The following MEGF9 variants were observed in gnomAD, a reference collection of about 807,000 sequenced individuals.
The protein encoded by MEGF9 is multiple epidermal growth factor-like domains protein 9.
MEGF9 carries 6 observed loss-of-function variants against 46.8 expected under a neutral mutation model. The ratio of observed to expected loss-of-function variants is 0.13; its 90% CI spans 0.07 to 0.25. The LOEUF is 0.25. Ranked by LOEUF, MEGF9 falls within the 10% of genes least tolerant of loss-of-function variation. MEGF9 has a pLI of 1.00. For synonymous variants in MEGF9, 302 were observed against 330.7 expected, an observed-to-expected ratio of 0.91 and a Z score of 0.94; for missense variants, 683 against 792.4, an observed-to-expected ratio of 0.86 and a Z score of 1.66.
chr9:120,703,699 G>C (rs2043915174), intron 1 of MEGF9, among the ~76,000 whole-genome samples: 1 of 152,196 alleles, frequency 6.6e-6, no homozygotes, highest in Non-Finnish European at 1.5e-5. Flanking sequence ...TGGGCCAGGT[G>C]CAGTGGCTCA....
At chr9:120,679,169 T>C (rs2043786865) in intron 1 of MEGF9, among the ~76,000 whole-genome samples, 1 of 152,190 alleles carries the variant, frequency 6.6e-6, no homozygotes, top group African/African-American at 2.4e-5. Context: ...TAAAGACACA[T>C]GCACACATTT....
intron 1 of MEGF9, among the ~76,000 whole-genome samples, chr9:120,699,320 C>A (rs1053013625): frequency 6.6e-6 from 1 of 151,978 alleles, no homozygotes; most frequent in African/African-American, 2.4e-5. Flanking sequence ...AAATATTAAA[C>A]TCAATCAGTG....
intron 2 of MEGF9, among the ~76,000 whole-genome samples, chr9:120,638,839 T>TG (rs2043590137): frequency 6.6e-6 from 1 of 152,160 alleles, no homozygotes; most frequent in South Asian, 2.1e-4. Context: ...TTTTTAGAGA[T>TG]GGGGTCTCAC....
intron 5 of MEGF9, among the ~76,000 whole-genome samples, chr9:120,607,110 CAA>C (rs1163933151): frequency 6.6e-6 from 1 of 152,134 alleles, no homozygotes; most frequent in Non-Finnish European, 1.5e-5. Context: ...TTAAGAATAT[CAA>C]AGAGTGGTTT....
intron 2 of MEGF9, among the ~76,000 whole-genome samples, chr9:120,639,304 T>C (rs1396501922): frequency 6.6e-6 from 1 of 151,156 alleles, no homozygotes; most frequent in African/African-American, 2.4e-5. Flanking sequence ...AGGTCAGGAG[T>C]TTGAGACTAG....
intron 5 of MEGF9, 110 bp downstream of exon 5, chr9:120,607,631 A>T: frequency 8.5e-7 from 1 of 1,181,800 alleles, no homozygotes; most frequent in Non-Finnish European, 1.2e-6. Flanking sequence ...TATCTATCAA[A>T]ATCTATTTCC....
intron 2 of MEGF9, among the ~76,000 whole-genome samples, chr9:120,650,137 C>T (rs139432643): frequency 0.024 from 3,611 of 152,116 alleles, 151 homozygotes; most frequent in African/African-American, 0.083. Flanking sequence ...GGCGTGGTGG[C>T]GGGTGCCCGT....
In MEGF9 at chr9:120,638,412, TCC is replaced by T. The variant is rs745903007; in HGVS notation, c.804-15659_804-15658del. Reference sequence around the variant, plus strand: ...CGATTGCATAAATGGTGGCTTAGTTTCCAGATCAGCAAACAAAAACCTGCTTA... The same window carrying T: ...CGATTGCATAAATGGTGGCTTAGTTTAGATCAGCAAACAAAAACCTGCTTA... On this transcript the variant is annotated intron_variant, in intron 2 of 5. Coordinates refer to ENST00000373930, the MANE Select transcript of MEGF9 (RefSeq NM_001080497.3). Among the ~76,000 whole-genome samples the T allele has an allele frequency of 6.5e-4, 99 of 152,352 alleles. No homozygotes were observed. The Middle Eastern group carries it at 0.017, about 26-fold the overall frequency.
chr9:120,612,321 C>T, intron 4 of MEGF9, 75 bp downstream of exon 4: 1 of 1,407,860 alleles, frequency 7.1e-7, no homozygotes, highest in Non-Finnish European at 9.6e-7. Context: ...GAACTTTATT[C>T]ATCAATGCAA....
At chr9:120,622,582 A>C in intron 3 of MEGF9, 34 bp downstream of exon 3, 1 of 1,610,950 alleles carries the variant, frequency 6.2e-7, no homozygotes, top group Non-Finnish European at 8.5e-7. Context: ...GAACAGTGGA[A>C]TAATTACATG....
At chr9:120,632,260 C>A (rs921887519) in intron 2 of MEGF9, among the ~76,000 whole-genome samples, 17 of 151,600 alleles carry the variant, frequency 1.1e-4, no homozygotes, top group Admixed American at 1.1e-3. Flanking sequence ...ATGTCCTAAT[C>A]AATTTCCTTT....
At chr9:120,696,006 G>A (rs752531956) in intron 1 of MEGF9, among the ~76,000 whole-genome samples, 4 of 152,188 alleles carry the variant, frequency 2.6e-5, no homozygotes, top group Non-Finnish European at 4.4e-5. Context: ...CTCTCTGGTG[G>A]CAAACAGGGA....
At chr9:120,627,669 GC>G (rs559958997) in intron 2 of MEGF9, among the ~76,000 whole-genome samples, 1 of 152,160 alleles carries the variant, frequency 6.6e-6, no homozygotes, top group Non-Finnish European at 1.5e-5. Context: ...CGTCATGTTG[GC>G]CAGGCTGGTC....
At chr9:120,608,337 T>C (rs758849649) in intron 4 of MEGF9, among the ~76,000 whole-genome samples, 1 of 152,238 alleles carries the variant, frequency 6.6e-6, no homozygotes, top group Non-Finnish European at 1.5e-5. Context: ...AACCTATTCA[T>C]GTAGAGAGCA....
At chr9:120,679,903 A>C in intron 1 of MEGF9, among the ~76,000 whole-genome samples, 1 of 144,436 alleles carries the variant, frequency 6.9e-6, no homozygotes, top group African/African-American at 2.5e-5. Context: ...GTGCCACTGC[A>C]CTCCAGCCTG....
chr9:120,653,930 G>A (rs1358478897), intron 2 of MEGF9, among the ~76,000 whole-genome samples: 1 of 152,210 alleles, frequency 6.6e-6, no homozygotes, highest in African/African-American at 2.4e-5. Flanking sequence ...AGAGATAACA[G>A]TGAGCCAAGT....
chr9:120,611,832 A>AAAGGAAGGAAGG (rs200715578), intron 4 of MEGF9, among the ~76,000 whole-genome samples: 61 of 139,346 alleles, frequency 4.4e-4, no homozygotes, highest in African/African-American at 1.6e-3. Flanking sequence ...GAAAAGAAAG[A>AAAGGAAGGAAGG]AAGGAAGGAA....
chr9:120,698,190 C>T (rs1383739626), intron 1 of MEGF9, among the ~76,000 whole-genome samples: 2 of 152,034 alleles, frequency 1.3e-5, no homozygotes, highest in Non-Finnish European at 2.9e-5. Flanking sequence ...AATGTGCTAC[C>T]AACATAAAAT....
Position 120,659,432 on chromosome 9 carries a change from C to A in MEGF9, c.745G>T (p.Gly249Trp). The change falls in exon 2 of 6, where the codon GGG becomes TGG. Residue 249 changes from glycine to tryptophan, a missense_variant. By Grantham distance (184) the Gly-to-Trp change is radical. Coordinates refer to ENST00000373930, the MANE Select transcript of MEGF9 (RefSeq NM_001080497.3). ...KEGFYLNYTS[G>W]LCQPCDCSPH... ...CTACAGTCACATGGCTGACAGAGCC[C>A]AGAAGTGTAATTTAGGTAAAAGCCC... The A allele has an allele frequency of 6.2e-7, 1 of 1,613,776 alleles. No homozygotes were observed. Among genetic ancestry groups the A allele is most frequent in the South Asian group, 1.1e-5 (1 of 91,068 alleles).
Sources: gnomAD v4.1 joint callset for allele counts (sites outside exome capture counted in the v4.1 genomes callset) on GRCh38, gnomAD v4.1.1 for gene constraint, MANE v1.5 for transcripts, NCBI Gene and HGNC (gene_info 2026-07-23, HGNC 2026-07-21) for gene names.